SP100: variants seen among roughly 807,000 people sequenced by gnomAD.
SP100 encodes SP100 nuclear body protein, also known as nuclear autoantigen Sp-100.
A neutral mutation model predicts 130.0 loss-of-function variants in SP100; 84 were observed. The observed-to-expected ratio is 0.65, with a 90% CI of 0.54 to 0.77. The LOEUF (loss-of-function observed/expected upper bound fraction) is 0.77. Ranked by LOEUF, SP100 falls within the 30% of genes least tolerant of loss-of-function variation. SP100 has a pLI of 0.00. For missense variants in SP100, 978 were observed against 1,052.2 expected, an observed-to-expected ratio of 0.93 and a Z score of 0.97; for synonymous variants, 331 against 351.7, an observed-to-expected ratio of 0.94 and a Z score of 0.66.
chr2:230,460,592 CTTTTTTTTTTTTTTTTTTTTTTTTT>C lies in SP100; in HGVS notation c.821-652_821-628del, dbSNP rs1193506734. On this transcript the variant is annotated intron_variant, in intron 8 of 28. Coordinates refer to ENST00000340126, the MANE Select transcript of SP100 (RefSeq NM_001080391.2). ...TGTCTGGGGTATTGGTAATCTGTTT[CTTTTTTTTTTTTTTTTTTTTTTTTT>C]TTTTTTTTTTTTTTTTTGAGACGGA... Among the ~76,000 whole-genome samples, 5 of 17,198 alleles carry C rather than the reference CTTTTTTTTTTTTTTTTTTTTTTTTT, an allele frequency of 2.9e-4. No individual in the cohort carries two copies. In the East Asian group the frequency reaches 4.4e-3, roughly 15 times the overall value. The allele number at this position is 17,198 out of a possible 152,430, so 11.3% of individuals were successfully genotyped here.
intron 2 of SP100, among the ~76,000 whole-genome samples, chr2:230,436,985 CAT>C (rs753412473): frequency 2.7e-3 from 269 of 99,802 alleles, no homozygotes; most frequent in Non-Finnish European, 5.0e-3. Context: ...TATACACACA[CAT>C]ATATATGTGT....
intron 2 of SP100, among the ~76,000 whole-genome samples, chr2:230,437,453 T>C (rs759649488): frequency 3.3e-5 from 5 of 152,222 alleles, no homozygotes; most frequent in Non-Finnish European, 7.3e-5. Flanking sequence ...CTAGTGATTA[T>C]AACTTTTTGT....
intron 24 of SP100, chr2:230,515,617 A>G: frequency 6.2e-7 from 1 of 1,601,630 alleles, no homozygotes; most frequent in Non-Finnish European, 8.5e-7. Flanking sequence ...AGAGGAGGAA[A>G]ATGAAGAAGA....
intron 15 of SP100, 88 bp from the exon 16 acceptor site, chr2:230,473,236 G>T: frequency 1.3e-6 from 1 of 786,908 alleles, no homozygotes; most frequent in Non-Finnish European, 2.2e-6. Flanking sequence ...TTTAGCTGTG[G>T]GGAGTGGGCA....
intron 18 of SP100, among the ~76,000 whole-genome samples, chr2:230,497,684 C>T (rs1482075220): frequency 6.6e-6 from 1 of 152,066 alleles, no homozygotes; most frequent in Non-Finnish European, 1.5e-5. Flanking sequence ...TTCTACCTAC[C>T]CCCATCACCT....
chr2:230,460,225 C>G (rs1183478869), intron 8 of SP100, among the ~76,000 whole-genome samples: 2 of 152,004 alleles, frequency 1.3e-5, no homozygotes, highest in Non-Finnish European at 2.9e-5. Flanking sequence ...TTCATAGAAG[C>G]CAAATGCTTG....
At chr2:230,450,059 G>C in intron 7 of SP100, 113 bp from the exon 8 acceptor site, 1 of 723,758 alleles carries the variant, frequency 1.4e-6, no homozygotes, top group South Asian at 1.7e-5. Flanking sequence ...ATGCAGACAG[G>C]GGTATAAGTA....
intron 24 of SP100, among the ~76,000 whole-genome samples, chr2:230,534,973 G>A (rs1249320860): frequency 2.0e-5 from 3 of 151,974 alleles, no homozygotes; most frequent in African/African-American, 7.3e-5. Flanking sequence ...AAGACGGGTG[G>A]ATCACAAGGT....
intron 24 of SP100, among the ~76,000 whole-genome samples, chr2:230,523,805 A>T (rs905713166): frequency 3.9e-5 from 6 of 152,096 alleles, no homozygotes; most frequent in Non-Finnish European, 5.9e-5. Flanking sequence ...GCTACTCAGG[A>T]GGCTAAGGCA....
intron 2 of SP100, among the ~76,000 whole-genome samples, chr2:230,420,559 C>A (rs1479913499): frequency 6.6e-6 from 1 of 152,058 alleles, no homozygotes; most frequent in Non-Finnish European, 1.5e-5. Flanking sequence ...TTCCTGCTGG[C>A]TCTGGTTTAC....
At chr2:230,471,436 T>C (rs2149995386) in intron 15 of SP100, among the ~76,000 whole-genome samples, 1 of 152,356 alleles carries the variant, frequency 6.6e-6, no homozygotes, top group Admixed American at 6.5e-5. Context: ...ATTTCCTTGT[T>C]TGTCTTCATT....
intron 8 of SP100, among the ~76,000 whole-genome samples, chr2:230,457,986 GA>G (rs2064371591): frequency 6.6e-6 from 1 of 152,218 alleles, no homozygotes. Flanking sequence ...GGGAAAAAGA[GA>G]GTGAGTCTTT....
intron 5 of SP100, among the ~76,000 whole-genome samples, chr2:230,447,898 T>G (rs931119979): frequency 6.6e-6 from 1 of 152,172 alleles, no homozygotes; most frequent in Admixed American, 6.5e-5. Flanking sequence ...CCCTCTAATC[T>G]CATGTTCAGC....
At position 230,541,863 on chromosome 2, in the gene SP100, T is replaced by A. The variant is rs554669675; in HGVS notation, c.2404-29T>A. The A allele has an allele frequency of 3.1e-6, 5 of 1,608,832 alleles. No homozygotes were observed. The Admixed American group carries it at 8.5e-5, about 27-fold the overall frequency. ...GTGGGAGTCTATGGCACTGGGCTGA[T>A]AGCCTCATTTTGGTCTTTTACTCAA... On this transcript the variant is annotated intron_variant, in intron 27 of 28. Coordinates refer to ENST00000340126, the MANE Select transcript of SP100 (RefSeq NM_001080391.2).
intron 24 of SP100, among the ~76,000 whole-genome samples, chr2:230,528,688 A>C (rs2150105567): frequency 6.6e-6 from 1 of 152,338 alleles, no homozygotes; most frequent in South Asian, 2.1e-4. Flanking sequence ...TAGCAAGACT[A>C]GTAAAGAAGA....
chr2:230,535,644 A>C (rs1054158819), intron 24 of SP100, among the ~76,000 whole-genome samples: 7 of 152,130 alleles, frequency 4.6e-5, no homozygotes, highest in African/African-American at 7.2e-5. Context: ...GTGTTGGCTC[A>C]TGCCTGTAAT....
intron 24 of SP100, among the ~76,000 whole-genome samples, chr2:230,526,703 G>A (rs1207892593): frequency 2.0e-5 from 3 of 152,134 alleles, no homozygotes; most frequent in African/African-American, 7.2e-5. Context: ...GAATAAACTA[G>A]AATAAACAGT....
At chr2:230,537,721 T>C (rs1692002070) in intron 24 of SP100, 2 of 152,252 alleles carry the variant, frequency 1.3e-5, no homozygotes, top group African/African-American at 4.8e-5. Context: ...CTGACAAAGA[T>C]TCTGATGTTA....
At chr2:230,449,352 C>T (rs1345907785) in intron 6 of SP100, 1 of 778,786 alleles carries the variant, frequency 1.3e-6, no homozygotes, top group Admixed American at 2.0e-5. Flanking sequence ...ACCCCTTAAT[C>T]ACACTTGCTG....
Sources: gnomAD v4.1 joint callset for allele counts (sites outside exome capture counted in the v4.1 genomes callset) on GRCh38, gnomAD v4.1.1 for gene constraint, MANE v1.5 for transcripts, NCBI Gene and HGNC (gene_info 2026-07-23, HGNC 2026-07-21) for gene names.